The following KCNQ5 variants were observed in gnomAD, a reference collection of about 807,000 sequenced individuals.
KCNQ5 encodes potassium voltage-gated channel subfamily Q member 5.
KCNQ5 carries 30 observed loss-of-function variants against 98.2 expected under a neutral mutation model. That is an observed-to-expected ratio of 0.31 (90% confidence interval 0.23 to 0.41). KCNQ5 has a LOEUF of 0.41. Ranked by LOEUF, KCNQ5 falls within the 10% of genes least tolerant of loss-of-function variation. The pLI, the probability that KCNQ5 is intolerant of heterozygous loss-of-function variation, is 1.00. For missense variants in KCNQ5, 835 were observed against 1,182.5 expected, an observed-to-expected ratio of 0.71 and a Z score of 4.31; for synonymous variants, 458 against 449.4, an observed-to-expected ratio of 1.02 and a Z score of -0.24.
At chr6:72,733,567 A>G (rs1770663420) in intron 1 of KCNQ5, among the ~76,000 whole-genome samples, 1 of 152,218 alleles carries the variant, frequency 6.6e-6, no homozygotes, top group Non-Finnish European at 1.5e-5. Flanking sequence ...TTAAAGCCAT[A>G]CAAAGGTGAG....
intron 5 of KCNQ5, among the ~76,000 whole-genome samples, chr6:73,102,371 A>T (rs1774819369): frequency 6.6e-6 from 1 of 152,176 alleles, no homozygotes; most frequent in African/African-American, 2.4e-5. Context: ...CAGTCAACCA[A>T]GGCAAAAACG....
intron 1 of KCNQ5, among the ~76,000 whole-genome samples, chr6:72,866,284 C>G (rs1401651641): frequency 1.5e-5 from 2 of 133,738 alleles, no homozygotes; most frequent in Non-Finnish European, 3.1e-5. Context: ...GAAACGGTCT[C>G]ACTCTGGTTG....
At chr6:72,879,190 C>A (rs10943070) in intron 1 of KCNQ5, among the ~76,000 whole-genome samples, 32,265 of 151,970 alleles carry the variant, frequency 0.21, 3,645 homozygotes, top group East Asian at 0.37. Flanking sequence ...TAGATATTGA[C>A]AAATCACCTT....
At chr6:72,942,926 C>T (rs1358928382) in intron 1 of KCNQ5, among the ~76,000 whole-genome samples, 1 of 152,182 alleles carries the variant, frequency 6.6e-6, no homozygotes, top group East Asian at 1.9e-4. Flanking sequence ...ATTTGGCATA[C>T]TTGGCTAGAT....
chr6:72,890,956 G>A (rs762510747), intron 1 of KCNQ5, among the ~76,000 whole-genome samples: 10 of 152,206 alleles, frequency 6.6e-5, no homozygotes, highest in Non-Finnish European at 4.4e-5. Flanking sequence ...ATTGTCCACT[G>A]TTGTGGAAGA....
intron 1 of KCNQ5, among the ~76,000 whole-genome samples, chr6:72,877,229 G>A (rs1427485968): frequency 6.6e-6 from 1 of 151,858 alleles, no homozygotes; most frequent in Non-Finnish European, 1.5e-5. Flanking sequence ...CGACCCCCCC[G>A]ACAGGCCCTG....
chr6:72,645,232 A>G (rs1015258133), intron 1 of KCNQ5, among the ~76,000 whole-genome samples: 2 of 151,562 alleles, frequency 1.3e-5, no homozygotes, highest in African/African-American at 4.8e-5. Context: ...AACAAAAAAA[A>G]CATAGTAGCT....
chr6:72,796,742 T>C, intron 1 of KCNQ5, among the ~76,000 whole-genome samples: 1 of 152,204 alleles, frequency 6.6e-6, no homozygotes. Flanking sequence ...TGAAAGCTGA[T>C]TTAAGGTTTC....
intron 1 of KCNQ5, among the ~76,000 whole-genome samples, chr6:72,698,395 G>T (rs1271354559): frequency 6.6e-6 from 1 of 151,976 alleles, no homozygotes; most frequent in Non-Finnish European, 1.5e-5. Flanking sequence ...TAGAGATGGG[G>T]TTTCTCCATA....
At chr6:72,906,977 T>C (rs1042851761) in intron 1 of KCNQ5, among the ~76,000 whole-genome samples, 1 of 152,248 alleles carries the variant, frequency 6.6e-6, no homozygotes, top group African/African-American at 2.4e-5. Flanking sequence ...TATTTACTAG[T>C]TGGGGTCATG....
chr6:72,848,009 GA>G (rs1192415403), intron 1 of KCNQ5, among the ~76,000 whole-genome samples: 2 of 139,992 alleles, frequency 1.4e-5, no homozygotes, highest in African/African-American at 2.9e-5. Context: ...TCTCCATCCA[GA>G]AAAGCTAAAA....
intron 1 of KCNQ5, among the ~76,000 whole-genome samples, chr6:72,693,425 G>T (rs1488499995): frequency 6.6e-6 from 1 of 152,138 alleles, no homozygotes; most frequent in Non-Finnish European, 1.5e-5. Flanking sequence ...GAACCTTAGC[G>T]CTGGTAGGTT....
intron 1 of KCNQ5, among the ~76,000 whole-genome samples, chr6:72,934,005 A>G (rs1357243813): frequency 6.6e-6 from 1 of 152,212 alleles, no homozygotes; most frequent in East Asian, 1.9e-4. Context: ...GGCTGCAATG[A>G]GCTATGATCA....
intron 1 of KCNQ5, among the ~76,000 whole-genome samples, chr6:72,985,557 A>C (rs184989573): frequency 6.6e-6 from 1 of 152,314 alleles, no homozygotes; most frequent in African/African-American, 2.4e-5. Context: ...CTAATTTTCC[A>C]TCAAAAAGCC....
rs144421743 is a variant in KCNQ5, at chr6:72,754,039, G to A, written c.398+131452G>A. 5.0e-3 allele frequency among the ~76,000 whole-genome samples: 753 copies of A among 151,998 alleles called. 5 individuals carry two copies. Among genetic ancestry groups the A allele is most frequent in the African/African-American group, 0.017 (709 of 41,462 alleles). ...TGATTTCTTTTTTGTACTTTATTAT[G>A]TTGGTTAGAACCTTCATTATGATGT... On this transcript the variant is annotated intron_variant, in intron 1 of 13. Transcript: ENST00000370398.
At chr6:72,704,358 A>G (rs559439060) in intron 1 of KCNQ5, among the ~76,000 whole-genome samples, 6 of 152,250 alleles carry the variant, frequency 3.9e-5, no homozygotes, top group African/African-American at 1.4e-4. Context: ...TAAATAATAC[A>G]TTCACAATGT....
intron 12 of KCNQ5, among the ~76,000 whole-genome samples, 153 bp downstream of exon 12, chr6:73,190,857 G>A (rs1160119593): frequency 1.3e-5 from 2 of 152,070 alleles, no homozygotes; most frequent in African/African-American, 4.8e-5. Context: ...ATTTTATTTT[G>A]CTTTTAACAT....
chr6:72,808,136 G>GCACAA lies in KCNQ5; in HGVS notation c.398+185550_398+185551insACAAC, dbSNP rs563858983. The stretch of plus-strand genomic sequence containing the variant: ...CAGAAATTGAAGGAGAGAGTCAATG[G>GCACAA]CGGCCTTATCTGGGCTAGTGGCAAA... On this transcript the variant is annotated intron_variant, in intron 1 of 13. Coordinates refer to ENST00000370398, the MANE Select transcript of KCNQ5 (RefSeq NM_019842.4). Among the ~76,000 whole-genome samples, 76 of 152,296 alleles carry GCACAA rather than the reference G, an allele frequency of 5.0e-4. 1 individual carries two copies. The South Asian group carries it at 0.016, about 31-fold the overall frequency.
At chr6:72,718,697 C>T (rs1035621866) in intron 1 of KCNQ5, among the ~76,000 whole-genome samples, 7 of 152,052 alleles carry the variant, frequency 4.6e-5, no homozygotes, top group African/African-American at 1.7e-4. Context: ...GATCCGCCCA[C>T]CTCAGCCTCC....
Sources: gnomAD v4.1 joint callset for allele counts (sites outside exome capture counted in the v4.1 genomes callset) on GRCh38, gnomAD v4.1.1 for gene constraint, MANE v1.5 for transcripts, NCBI Gene and HGNC (gene_info 2026-07-23, HGNC 2026-07-21) for gene names.